NXPE2: variants seen among roughly 807,000 people sequenced by gnomAD.
NXPE2 encodes the protein neurexophilin and PC-esterase domain family member 2, also known as NXPE family member 2.
A neutral mutation model predicts 34.4 loss-of-function variants in NXPE2; 34 were observed. That is an observed-to-expected ratio of 0.99 (90% confidence interval 0.75 to 1.31). NXPE2 has a LOEUF of 1.31. Among genes scored for constraint, NXPE2 ranks in the 40% most tolerant of loss-of-function variants. NXPE2 has a pLI of 0.00. For synonymous variants in NXPE2, 235 were observed against 231.3 expected (o/e 1.02, Z -0.15); for missense variants, 649 against 672.5 (o/e 0.97, Z 0.39).
chr11:114,786,839 G>T, the NXPE2 span, among the ~76,000 whole-genome samples: 2 of 151,940 alleles, frequency 1.3e-5, no homozygotes, highest in African/African-American at 4.8e-5. Flanking sequence ...CAAGCCCCAC[G>T]CATGGTTCAC....
At chr11:114,808,010 A>C in the NXPE2 span, among the ~76,000 whole-genome samples, 1 of 152,260 alleles carries the variant, frequency 6.6e-6, no homozygotes, top group Non-Finnish European at 1.5e-5. Flanking sequence ...ACCACAGTGC[A>C]ATCAAACTAG....
At chr11:114,719,128 A>G in the NXPE2 span, among the ~76,000 whole-genome samples, 6 of 152,198 alleles carry the variant, frequency 3.9e-5, no homozygotes, top group East Asian at 1.2e-3. Flanking sequence ...GTTTTTTATT[A>G]GTTTCAATTA....
At chr11:114,714,589 C>A in the NXPE2 span, among the ~76,000 whole-genome samples, 1 of 152,198 alleles carries the variant, frequency 6.6e-6, no homozygotes, top group African/African-American at 2.4e-5. Context: ...ATCTCCCATG[C>A]CACCTCTCGG....
chr11:114,553,617 G>C, the NXPE2 span: 69 of 638,952 alleles, frequency 1.1e-4, no homozygotes, highest in Non-Finnish European at 1.3e-4. Context: ...TAAGCCATAA[G>C]TAACTGCAAA....
the NXPE2 span, among the ~76,000 whole-genome samples, chr11:114,657,540 G>A: frequency 1.5e-4 from 23 of 151,938 alleles, no homozygotes; most frequent in African/African-American, 5.6e-4. Context: ...TGAAATTATA[G>A]CAATTAGGCC....
rs982914520 is a variant in NXPE2 at position 114,683,547 on chromosome 11, A to C, written c.132+3785A>C. 1.1e-4 allele frequency among the ~76,000 whole-genome samples: 17 copies of C among 151,590 alleles called. 1 individual carries two copies. Among genetic ancestry groups the C allele is most frequent in the Admixed American group, 4.6e-4 (7 of 15,210 alleles). On this transcript the variant is annotated intron_variant, in intron 2 of 5. Coordinates refer to ENST00000389586, the MANE Select transcript of NXPE2 (RefSeq NM_182495.6). ...GTGATTCTCCTGCCTCAGCCTCCCG[A>C]GTAGCTGGGATTACAGGCGCGTGCC...
the NXPE2 span, among the ~76,000 whole-genome samples, chr11:114,598,214 C>A: frequency 7.7e-6 from 1 of 130,354 alleles, no homozygotes; most frequent in Non-Finnish European, 1.7e-5. Flanking sequence ...CTCCTTTGAC[C>A]CCATGTCTCA....
chr11:114,582,140 G>C, the NXPE2 span: 3 of 804,202 alleles, frequency 3.7e-6, no homozygotes, highest in African/African-American at 1.7e-5. Context: ...AATGGGCACT[G>C]TCTCTAAATG....
At chr11:114,658,875 G>A in the NXPE2 span, among the ~76,000 whole-genome samples, 1 of 152,126 alleles carries the variant, frequency 6.6e-6, no homozygotes, top group Non-Finnish European at 1.5e-5. Context: ...CATTCTCCCA[G>A]TAGGCTAGGC....
the NXPE2 span, among the ~76,000 whole-genome samples, chr11:114,466,137 T>C: frequency 5.3e-5 from 8 of 152,312 alleles, no homozygotes; most frequent in South Asian, 1.4e-3. Context: ...TGTATGAAGG[T>C]AATTTTTCTG....
chr11:114,670,272 C>G, the NXPE2 span, among the ~76,000 whole-genome samples: 1 of 152,012 alleles, frequency 6.6e-6, no homozygotes, highest in African/African-American at 2.4e-5. Flanking sequence ...TCAAAGAGAG[C>G]CTTGATAAAA....
chr11:114,572,779 A>G, the NXPE2 span, among the ~76,000 whole-genome samples: 1 of 152,212 alleles, frequency 6.6e-6, no homozygotes, highest in African/African-American at 2.4e-5. Flanking sequence ...AAAAGTCTGG[A>G]AAACATATTT....
the NXPE2 span, among the ~76,000 whole-genome samples, chr11:114,749,083 G>A: frequency 0.32 from 48,423 of 151,914 alleles, 8,473 homozygotes; most frequent in East Asian, 0.43. Context: ...TGTTGCCTCA[G>A]CACTGGAATC....
chr11:114,623,272 T>C, the NXPE2 span, among the ~76,000 whole-genome samples: 1 of 152,182 alleles, frequency 6.6e-6, no homozygotes, highest in East Asian at 1.9e-4. Context: ...TATTGCCTCG[T>C]GGGTGACAAC....
At chr11:114,768,122 T>C in the NXPE2 span, among the ~76,000 whole-genome samples, 1 of 150,732 alleles carries the variant, frequency 6.6e-6, no homozygotes, top group Non-Finnish European at 1.5e-5. Context: ...TTCAGTTTTC[T>C]GCATATGGCT....
the NXPE2 span, among the ~76,000 whole-genome samples, chr11:114,630,109 C>T: frequency 7.3e-5 from 11 of 151,612 alleles, no homozygotes; most frequent in African/African-American, 2.4e-4. Context: ...AGGTAATTTA[C>T]AGATTCAATG....
the NXPE2 span, among the ~76,000 whole-genome samples, chr11:114,534,130 T>G: frequency 6.6e-6 from 1 of 152,154 alleles, no homozygotes; most frequent in Non-Finnish European, 1.5e-5. Context: ...GGTTAACCAA[T>G]ATCCGCTGTT....
chr11:114,711,182 G>A (rs1485667151), downstream of NXPE2, among the ~76,000 whole-genome samples: 1 of 152,002 alleles, frequency 6.6e-6, no homozygotes, highest in Non-Finnish European at 1.5e-5. Flanking sequence ...CAGGAACAAA[G>A]CAAAGATGCC....
the NXPE2 span, among the ~76,000 whole-genome samples, chr11:114,673,163 G>A: frequency 1.3e-5 from 2 of 150,066 alleles, no homozygotes; most frequent in African/African-American, 4.9e-5. Context: ...TTAGAAATTG[G>A]TAATGAAAAT....
Sources: allele counts gnomAD v4.1 joint callset (sites outside exome capture counted in the v4.1 genomes callset), GRCh38; gene constraint gnomAD v4.1.1; transcripts MANE v1.5; gene names NCBI Gene and HGNC (gene_info 2026-07-23, HGNC 2026-07-21).